Variants in MYRIP observed in about 807,000 individuals in gnomAD.
The protein encoded by MYRIP is rab effector MyRIP.
In MYRIP, 49 loss-of-function variants were observed where a neutral mutation model predicts 98.0. The ratio of observed to expected loss-of-function variants is 0.50; its 90% CI spans 0.40 to 0.63. MYRIP has a LOEUF of 0.63. MYRIP is among the 30% of genes least tolerant of loss of function. The pLI is 0.00. For synonymous variants in MYRIP, 404 were observed against 409.5 expected (o/e 0.99, Z 0.16); for missense variants, 1,004 against 1,058.2 (o/e 0.95, Z 0.71).
chr3:39,907,735 A>G (rs1943912312), intron 2 of MYRIP, among the ~76,000 whole-genome samples: 1 of 152,128 alleles, frequency 6.6e-6, no homozygotes, highest in Admixed American at 6.5e-5. Context: ...TTATGCCCCA[A>G]CCTTTGACTT....
At chr3:40,044,562 T>C (rs1251984263) in intron 3 of MYRIP, among the ~76,000 whole-genome samples, 1 of 152,214 alleles carries the variant, frequency 6.6e-6, no homozygotes, top group Non-Finnish European at 1.5e-5. Flanking sequence ...TCTCATCTGG[T>C]CTCATCCTTT....
rs200424295 is a variant in MYRIP, at chr3:40,106,573, A to G, written c.333-44475A>G. 2.4e-4 allele frequency among the ~76,000 whole-genome samples: 36 copies of G among 152,228 alleles called. No individual in the cohort carries two copies. The East Asian group carries it at 5.8e-3, about 24-fold the overall frequency. On this transcript the variant is annotated intron_variant, in intron 3 of 16. Transcript: ENST00000302541. ...GAATTTTATATATTCTTTCATAGGT[A>G]TATCTTTTCAATCAAGCTAACAGTG... is the stretch of plus-strand genomic sequence containing the variant.
intron 1 of MYRIP, among the ~76,000 whole-genome samples, chr3:39,849,208 G>A (rs1942056081): frequency 6.6e-6 from 1 of 152,140 alleles, no homozygotes; most frequent in South Asian, 2.1e-4. Flanking sequence ...TCCAAACCAC[G>A]CTGTCCACTG....
chr3:40,111,679 C>T (rs1949160145), intron 3 of MYRIP, among the ~76,000 whole-genome samples: 1 of 151,970 alleles, frequency 6.6e-6, no homozygotes, highest in South Asian at 2.1e-4. Context: ...AGTCCCCAGT[C>T]CACACCTCGA....
chr3:40,224,060 T>A (rs1174893110), intron 11 of MYRIP, among the ~76,000 whole-genome samples: 1 of 152,052 alleles, frequency 6.6e-6, no homozygotes, highest in African/African-American at 2.4e-5. Flanking sequence ...AAGGGACAGA[T>A]AGAGCCAAGG....
intron 3 of MYRIP, among the ~76,000 whole-genome samples, chr3:40,072,240 G>A (rs571414436): frequency 6.6e-6 from 1 of 151,738 alleles, no homozygotes; most frequent in African/African-American, 2.4e-5. Context: ...ACAGAGTCTC[G>A]CTCTCTCACC....
chr3:39,822,010 GTA>G (rs1284112915), intron 1 of MYRIP, among the ~76,000 whole-genome samples: 3 of 152,160 alleles, frequency 2.0e-5, no homozygotes, highest in Admixed American at 2.0e-4. Context: ...TGAAGGAGAA[GTA>G]TATGAAAGCC....
At chr3:40,093,382 G>T (rs1948764309) in intron 3 of MYRIP, among the ~76,000 whole-genome samples, 1 of 152,116 alleles carries the variant, frequency 6.6e-6, no homozygotes, top group Admixed American at 6.5e-5. Context: ...CAAAACCCAA[G>T]ACCTCAATCC....
intron 10 of MYRIP, among the ~76,000 whole-genome samples, chr3:40,204,269 A>C (rs1951735556): frequency 8.2e-6 from 1 of 121,284 alleles, no homozygotes; most frequent in Non-Finnish European, 1.6e-5. Context: ...TCACTCTGTC[A>C]CCCAGGCTGG....
At chr3:39,826,180 TTTA>T (rs1480959671) in intron 1 of MYRIP, among the ~76,000 whole-genome samples, 3 of 152,032 alleles carry the variant, frequency 2.0e-5, no homozygotes, top group Non-Finnish European at 4.4e-5. Flanking sequence ...ATTTCTGCTC[TTTA>T]TTATTTTTTC....
At position 39,966,332 on chromosome 3, in the gene MYRIP, T is replaced by C. The variant is rs542903315; in HGVS notation, c.110+65406T>C. The stretch of plus-strand genomic sequence containing the variant: ...ATTAAAGGAGAGGTTCTCCAATGGT[T>C]ACCAGAAAACAGGTTACAGATAATA... On this transcript the variant is annotated intron_variant, in intron 2 of 16. Transcript: ENST00000302541. Among the ~76,000 whole-genome samples, 113 of 152,334 alleles carry C rather than the reference T, an allele frequency of 7.4e-4. 1 individual carries two copies. Among genetic ancestry groups the C allele is most frequent in the African/African-American group, 2.6e-3 (110 of 41,572 alleles).
At chr3:39,845,686 A>T (rs889217505) in intron 1 of MYRIP, among the ~76,000 whole-genome samples, 24 of 152,122 alleles carry the variant, frequency 1.6e-4, no homozygotes, top group Non-Finnish European at 3.5e-4. Flanking sequence ...CCATCTATCT[A>T]CTAGTAATTG....
intron 3 of MYRIP, among the ~76,000 whole-genome samples, chr3:40,129,100 T>C (rs969117179): frequency 6.6e-6 from 1 of 151,846 alleles, no homozygotes; most frequent in African/African-American, 2.4e-5. Flanking sequence ...AACTACTCTG[T>C]CTCTTGTCCT....
At chr3:40,044,316 G>C in intron 3 of MYRIP, 45 bp downstream of exon 3, 6 of 1,567,952 alleles carry the variant, frequency 3.8e-6, no homozygotes, top group Non-Finnish European at 5.3e-6. Flanking sequence ...TTGATTTAGA[G>C]AGATTCACCT....
At chr3:40,087,885 AG>A (rs1273768430) in intron 3 of MYRIP, among the ~76,000 whole-genome samples, 1 of 152,182 alleles carries the variant, frequency 6.6e-6, no homozygotes, top group Non-Finnish European at 1.5e-5. Flanking sequence ...GCTGGCAGGT[AG>A]GGGTGCCACT....
chr3:40,251,089 G>C (rs923925199), intron 15 of MYRIP, among the ~76,000 whole-genome samples: 1 of 152,182 alleles, frequency 6.6e-6, no homozygotes, highest in Non-Finnish European at 1.5e-5. Flanking sequence ...AAATGATCTG[G>C]CAATGCCAGT....
At chr3:39,811,667 C>CTGTG (rs149573544) in intron 1 of MYRIP, among the ~76,000 whole-genome samples, 4 of 149,844 alleles carry the variant, frequency 2.7e-5, no homozygotes, top group Non-Finnish European at 5.9e-5. Context: ...TGGGGGGAGG[C>CTGTG]TGTGTGTGTG....
chr3:39,850,062 G>T (rs986829272), intron 1 of MYRIP, among the ~76,000 whole-genome samples: 1 of 152,222 alleles, frequency 6.6e-6, no homozygotes, highest in Non-Finnish European at 1.5e-5. Flanking sequence ...CTAGAGTAGG[G>T]TGTCAGAGAG....
intron 3 of MYRIP, among the ~76,000 whole-genome samples, chr3:40,048,025 C>A (rs1639838048): frequency 6.6e-6 from 1 of 152,202 alleles, no homozygotes; most frequent in South Asian, 2.1e-4. Flanking sequence ...CTCTGCCCTT[C>A]ATTCAATCTG....
Sources: allele counts gnomAD v4.1 joint callset (sites outside exome capture counted in the v4.1 genomes callset), GRCh38; gene constraint gnomAD v4.1.1; transcripts MANE v1.5; gene names NCBI Gene and HGNC (gene_info 2026-07-23, HGNC 2026-07-21).